Variants in NCAM1 observed in about 807,000 individuals in gnomAD.
NCAM1 encodes the protein neural cell adhesion molecule 1.
Under a neutral mutation model 109.8 loss-of-function variants are expected in NCAM1, and 14 were observed. The observed-to-expected ratio is 0.13, with a 90% confidence interval of 0.08 to 0.20. The LOEUF (loss-of-function observed/expected upper bound fraction) is 0.20, where lower values mean the gene tolerates loss of function less well. NCAM1 is among the 10% of genes least tolerant of loss of function. The pLI, the probability that NCAM1 is intolerant of heterozygous loss-of-function variation, is 1.00. For missense variants in NCAM1, 774 were observed against 1,109.9 expected, an observed-to-expected ratio of 0.70 and a Z score of 4.30; for synonymous variants, 418 against 442.9, an observed-to-expected ratio of 0.94 and a Z score of 0.70.
At position 113,277,077 on chromosome 11, in the gene NCAM1, A is replaced by AAAG; in HGVS notation, c.*1693_*1695dup. ...TCAAACGGAATCGAAGCCTTTTAAC[A>AAAG]AAGAAAATGAAATACAGATGATGAT... On this transcript the variant is annotated 3_prime_UTR_variant, in exon 20 of 20. Coordinates refer to ENST00000316851, the MANE Select transcript of NCAM1 (RefSeq NM_181351.5). 2.8e-6 allele frequency: 1 copy of AAAG among 358,962 alleles called. No homozygotes were observed. Among genetic ancestry groups the AAAG allele is most frequent in the East Asian group, 4.0e-5 (1 of 24,744 alleles). 22.2% of individuals were successfully genotyped at this position (358,962 alleles called of 1,614,324 possible).
chr11:113,167,873 A>G (rs7120505), intron 1 of NCAM1, among the ~76,000 whole-genome samples: 127,522 of 152,178 alleles, frequency 0.84, 53,860 homozygotes, highest in African/African-American at 0.94. Context: ...GCGGTTGGGC[A>G]GGGTGTATTA....
chr11:113,154,307 A>G (rs1041401634), intron 1 of NCAM1, among the ~76,000 whole-genome samples: 3 of 152,224 alleles, frequency 2.0e-5, no homozygotes, highest in Non-Finnish European at 4.4e-5. Context: ...TGAGGGCTAT[A>G]TGGAGAAGAC....
chr11:113,097,305 C>T (rs1394204606), intron 1 of NCAM1, among the ~76,000 whole-genome samples: 1 of 152,222 alleles, frequency 6.6e-6, no homozygotes, highest in Non-Finnish European at 1.5e-5. Flanking sequence ...TGAGCATCTT[C>T]TGTATGCCAG....
At chr11:113,218,756 C>T (rs1555114772) in intron 8 of NCAM1, among the ~76,000 whole-genome samples, 3 of 152,158 alleles carry the variant, frequency 2.0e-5, no homozygotes, top group African/African-American at 7.2e-5. Context: ...TTTGGATCAT[C>T]GAGATCATTA....
chr11:113,155,786 C>T (rs981467827), intron 1 of NCAM1, among the ~76,000 whole-genome samples: 10 of 152,104 alleles, frequency 6.6e-5, no homozygotes, highest in African/African-American at 2.4e-4. Flanking sequence ...ATGCCCTCTG[C>T]TCCTTGAGTG....
At chr11:113,216,176 A>T in intron 8 of NCAM1, among the ~76,000 whole-genome samples, 1 of 107,804 alleles carries the variant, frequency 9.3e-6, no homozygotes, top group African/African-American at 3.7e-5. Flanking sequence ...TTTGAGACGG[A>T]GTCTCGCTGT....
intron 1 of NCAM1, among the ~76,000 whole-genome samples, chr11:113,167,109 C>T (rs941291213): frequency 4.6e-5 from 7 of 152,176 alleles, no homozygotes; most frequent in Admixed American, 2.0e-4. Context: ...CTAGAAAGTA[C>T]GCAGTCTGGG....
At chr11:112,984,586 A>G (rs1231345188) in intron 1 of NCAM1, among the ~76,000 whole-genome samples, 1 of 151,998 alleles carries the variant, frequency 6.6e-6, no homozygotes, top group Non-Finnish European at 1.5e-5. Flanking sequence ...GACAAAAGCC[A>G]TCCTAACAGG....
At chr11:113,180,321 G>T (rs1043692058) in intron 1 of NCAM1, among the ~76,000 whole-genome samples, 1 of 152,206 alleles carries the variant, frequency 6.6e-6, no homozygotes, top group East Asian at 1.9e-4. Context: ...TGAGTTTAGC[G>T]CTACAGGGGT....
intron 9 of NCAM1, among the ~76,000 whole-genome samples, chr11:113,225,249 G>A (rs1479515412): frequency 2.0e-5 from 3 of 152,180 alleles, no homozygotes; most frequent in Non-Finnish European, 4.4e-5. Context: ...GGACCTGATG[G>A]AGCTGAAAAC....
At chr11:113,092,128 T>G (rs1939375658) in intron 1 of NCAM1, among the ~76,000 whole-genome samples, 1 of 152,206 alleles carries the variant, frequency 6.6e-6, no homozygotes, top group African/African-American at 2.4e-5. Context: ...GCTGCAGCTT[T>G]TAGCTTGCTG....
intron 1 of NCAM1, among the ~76,000 whole-genome samples, chr11:113,139,290 G>A: frequency 6.6e-6 from 1 of 152,166 alleles, no homozygotes; most frequent in East Asian, 1.9e-4. Flanking sequence ...CTTAAGTTTA[G>A]CTACAGCACA....
chr11:112,969,098 T>C (rs1172036429), intron 1 of NCAM1, among the ~76,000 whole-genome samples: 1 of 152,118 alleles, frequency 6.6e-6, no homozygotes, highest in Non-Finnish European at 1.5e-5. Context: ...TGGGACTCCC[T>C]CGAGCTGGGC....
intron 1 of NCAM1, among the ~76,000 whole-genome samples, chr11:113,174,649 G>A (rs1943093830): frequency 6.6e-6 from 1 of 152,110 alleles, no homozygotes; most frequent in African/African-American, 2.4e-5. Context: ...TAACCTTATT[G>A]CAAATTCAGG....
At chr11:112,979,750 A>G (rs148578436) in intron 1 of NCAM1, among the ~76,000 whole-genome samples, 276 of 151,986 alleles carry the variant, frequency 1.8e-3, no homozygotes, top group African/African-American at 6.5e-3. Flanking sequence ...GCAGAAGCTC[A>G]GTCTAAAACA....
At position 113,233,737 on chromosome 11, in the gene NCAM1, G is replaced by A. The variant is rs1555117760; in HGVS notation, c.1693+420G>A. 1.3e-5 allele frequency among the ~76,000 whole-genome samples: 2 copies of A among 152,200 alleles called. No homozygotes were observed. The highest frequency in any genetic ancestry group is 2.4e-5 in the African/African-American group (1 of 41,448). The stretch of plus-strand genomic sequence containing the variant: ...TCTGTACTCAGGGACTGGCTGTCTT[G>A]TAATTGTGATAGTAACCAAATAAGC... On this transcript the variant is annotated intron_variant, in intron 13 of 19. Transcript: ENST00000316851. This position sits in a 1 kb window ranked among gnomAD's most constrained non-coding sequence, Gnocchi z 4.5.
chr11:113,165,846 T>C (rs1349638865), intron 1 of NCAM1, among the ~76,000 whole-genome samples: 1 of 150,548 alleles, frequency 6.6e-6, no homozygotes, highest in African/African-American at 2.4e-5. Flanking sequence ...GGAGTCTCGC[T>C]CTGTCACCCA....
chr11:113,043,711 G>A (rs1336898886), intron 1 of NCAM1, among the ~76,000 whole-genome samples: 1 of 152,124 alleles, frequency 6.6e-6, no homozygotes, highest in Non-Finnish European at 1.5e-5. Flanking sequence ...CTCTCCAGCT[G>A]GTAACAAGCA....
In NCAM1 at chr11:113,271,858, C is replaced by T. The variant is rs763253119; in HGVS notation, c.2438C>T (p.Thr813Met). 8 of 1,568,748 alleles carry T rather than the reference C, an allele frequency of 5.1e-6. No individual in the cohort carries two copies. The highest frequency in any genetic ancestry group is 1.4e-5 in the African/African-American group (1 of 73,650). ...GGKHTEPNETTPLTEPEKGPV... is the reference protein window; with the variant it reads ...GGKHTEPNETMPLTEPEKGPV... ...AAACACACAGAGCCCAACGAGACCA[C>T]GCCACTGACGGAGCCCGAGTACGTG... The change falls in exon 19 of 20, where the codon ACG becomes ATG. Residue 813 changes from threonine to methionine, a missense_variant. Transcript: ENST00000316851.
Sources: gnomAD v4.1 joint callset for allele counts (sites outside exome capture counted in the v4.1 genomes callset) on GRCh38, gnomAD v4.1.1 for gene constraint, Gnocchi (gnomAD v3.1) non-coding constraint, MANE v1.5 for transcripts, NCBI Gene and HGNC (gene_info 2026-07-23, HGNC 2026-07-21) for gene names.